Variants in KIF16B observed in about 807,000 individuals in gnomAD.
KIF16B encodes the protein kinesin-like protein KIF16B.
KIF16B carries 98 observed loss-of-function variants against 156.3 expected under a neutral mutation model. The observed-to-expected ratio is 0.63, with a 90% CI of 0.53 to 0.74. The LOEUF (loss-of-function observed/expected upper bound fraction) is 0.74. KIF16B is among the 30% of genes least tolerant of loss of function. KIF16B has a pLI of 0.00. For missense variants in KIF16B, 1,421 were observed against 1,606.5 expected, an observed-to-expected ratio of 0.88 and a Z score of 1.97; for synonymous variants, 564 against 583.7, an observed-to-expected ratio of 0.97 and a Z score of 0.49.
intron 15 of KIF16B, among the ~76,000 whole-genome samples, chr20:16,424,408 A>G (rs2066303441): frequency 6.6e-6 from 1 of 152,006 alleles, no homozygotes; most frequent in Non-Finnish European, 1.5e-5. Flanking sequence ...TTCATTTCTG[A>G]GGTACCTTCC....
At chr20:16,397,779 G>A (rs559742613) in intron 17 of KIF16B, among the ~76,000 whole-genome samples, 25 of 152,344 alleles carry the variant, frequency 1.6e-4, no homozygotes, top group African/African-American at 6.0e-4. Flanking sequence ...CTGTGTGGGT[G>A]AGAGACTCAC....
At chr20:16,531,722 A>G (rs1045308381) in intron 1 of KIF16B, among the ~76,000 whole-genome samples, 1 of 152,246 alleles carries the variant, frequency 6.6e-6, no homozygotes, top group African/African-American at 2.4e-5. Context: ...TGCAAAGAAT[A>G]TAACGATGAA....
chr20:16,502,878 C>T (rs993248214), intron 10 of KIF16B, among the ~76,000 whole-genome samples: 4 of 152,204 alleles, frequency 2.6e-5, no homozygotes, highest in East Asian at 1.9e-4. Context: ...ATCAAATCAT[C>T]ATTAAAGGCT....
Position 16,404,987 on chromosome 20 carries a change from G to A in KIF16B, c.1696-86C>T, listed in dbSNP as rs996529265. On this transcript the variant is annotated intron_variant, in intron 16 of 25. Coordinates refer to ENST00000354981, the MANE Select transcript of KIF16B (RefSeq NM_024704.5). ...GACTCATTGCTTCCAACATGTGAGAGACAATGAGGTGCACATGCTCCTAAT... is the reference window on the plus strand; with the variant it reads ...GACTCATTGCTTCCAACATGTGAGAAACAATGAGGTGCACATGCTCCTAAT... 6 of 884,524 alleles carry A rather than the reference G, an allele frequency of 6.8e-6. No homozygotes were observed. The African/African-American group carries it at 8.2e-5, about 12-fold the overall frequency. 54.8% of individuals were successfully genotyped at this position (884,524 alleles called of 1,614,324 possible).
chr20:16,298,973 T>A (rs2063432106), intron 25 of KIF16B, among the ~76,000 whole-genome samples: 1 of 151,914 alleles, frequency 6.6e-6, no homozygotes, highest in Non-Finnish European at 1.5e-5. Flanking sequence ...CAACCAATGC[T>A]ATGTGTAAAT....
At chr20:16,511,949 C>CCA (rs1403643960) in intron 5 of KIF16B, among the ~76,000 whole-genome samples, 3 of 152,084 alleles carry the variant, frequency 2.0e-5, no homozygotes, top group Non-Finnish European at 4.4e-5. Flanking sequence ...GAGTTCAAGA[C>CCA]CAGCCTGACC....
chr20:16,430,079 T>G, intron 12 of KIF16B, 97 bp from the exon 13 acceptor site: 4 of 1,274,142 alleles, frequency 3.1e-6, no homozygotes, highest in Non-Finnish European at 4.3e-6. Context: ...CAATATTTTA[T>G]TTCTCATCTA....
At chr20:16,299,026 C>T (rs919590969) in intron 25 of KIF16B, among the ~76,000 whole-genome samples, 1 of 152,000 alleles carries the variant, frequency 6.6e-6, no homozygotes, top group Non-Finnish European at 1.5e-5. Flanking sequence ...AGACAGAAAA[C>T]TGGTATGGCT....
chr20:16,279,401 G>A (rs1026485825), intron 25 of KIF16B, among the ~76,000 whole-genome samples: 1 of 152,200 alleles, frequency 6.6e-6, no homozygotes, highest in African/African-American at 2.4e-5. Context: ...TTTCAGGAGA[G>A]CCTTTGGTCT....
chr20:16,541,742 C>T (rs1221086943), intron 1 of KIF16B, among the ~76,000 whole-genome samples: 1 of 152,202 alleles, frequency 6.6e-6, no homozygotes, highest in Admixed American at 6.5e-5. Context: ...AAGAAGGAGA[C>T]TGAGGCAGGC....
intron 10 of KIF16B, among the ~76,000 whole-genome samples, chr20:16,498,522 A>C (rs1482022513): frequency 2.0e-5 from 3 of 152,208 alleles, no homozygotes; most frequent in Admixed American, 6.5e-5. Flanking sequence ...TGGCATAAAA[A>C]CACTATTCTG....
intron 1 of KIF16B, among the ~76,000 whole-genome samples, chr20:16,534,469 T>C (rs972660040): frequency 6.6e-6 from 1 of 152,172 alleles, no homozygotes; most frequent in African/African-American, 2.4e-5. Context: ...ATTCAACAGG[T>C]TGTCTCTTCA....
At chr20:16,479,440 T>C (rs2067915882) in intron 12 of KIF16B, among the ~76,000 whole-genome samples, 1 of 152,040 alleles carries the variant, frequency 6.6e-6, no homozygotes, top group African/African-American at 2.4e-5. Flanking sequence ...GATGGGTTGA[T>C]AGGTGCAGCC....
chr20:16,489,943 A>C (rs943070856), intron 12 of KIF16B, among the ~76,000 whole-genome samples: 3 of 152,074 alleles, frequency 2.0e-5, no homozygotes, highest in African/African-American at 7.2e-5. Context: ...AAAATGCACA[A>C]TCATACAAGA....
At chr20:16,329,487 G>T (rs757399113) in intron 24 of KIF16B, among the ~76,000 whole-genome samples, 3 of 152,250 alleles carry the variant, frequency 2.0e-5, no homozygotes, top group East Asian at 3.9e-4. Context: ...GAAATTATTC[G>T]CATGATAAAA....
At chr20:16,454,048 A>G (rs2067151431) in intron 12 of KIF16B, among the ~76,000 whole-genome samples, 1 of 152,104 alleles carries the variant, frequency 6.6e-6, no homozygotes. Context: ...AATGCCTAAA[A>G]CAGAGAAATC....
intron 12 of KIF16B, among the ~76,000 whole-genome samples, chr20:16,469,080 C>T (rs61590659): frequency 0.22 from 33,209 of 151,476 alleles, 3,731 homozygotes; most frequent in Admixed American, 0.26. Context: ...TAGTGTGACC[C>T]TATCTCCACA....
chr20:16,429,996 G>GAAAAGA lies in KIF16B; in HGVS notation c.1303-20_1303-15dup, dbSNP rs753618393. The GAAAAGA allele has an allele frequency of 6.3e-7, 1 of 1,589,758 alleles. No individual in the cohort carries two copies. The highest frequency in any genetic ancestry group is 1.9e-5 in the Admixed American group (1 of 53,850). ...TAGAGTTTGTTCCTGAAATTAAGAGGAAAAGAAAAAGAAAAGGTTACTTTG... is the reference window on the plus strand; with the variant it reads ...TAGAGTTTGTTCCTGAAATTAAGAGGAAAAGAAAAAGAAAAAGAAAAGGTTACTTTG... On this transcript the variant is annotated splice_polypyrimidine_tract_variant and intron_variant, in intron 12 of 25. Coordinates refer to ENST00000354981, the MANE Select transcript of KIF16B (RefSeq NM_024704.5).
chr20:16,289,681 A>G (rs2063284465), intron 25 of KIF16B, among the ~76,000 whole-genome samples: 1 of 152,164 alleles, frequency 6.6e-6, no homozygotes, highest in African/African-American at 2.4e-5. Flanking sequence ...CTCTACTAAA[A>G]ATACAAAAAA....
Sources: gnomAD v4.1 joint callset for allele counts (sites outside exome capture counted in the v4.1 genomes callset) on GRCh38, gnomAD v4.1.1 for gene constraint, MANE v1.5 for transcripts, NCBI Gene and HGNC (gene_info 2026-07-23, HGNC 2026-07-21) for gene names.